ABCA13: variants seen among roughly 807,000 people sequenced by gnomAD.
ABCA13 encodes the protein ATP-binding cassette sub-family A member 13.
In ABCA13, 476 loss-of-function variants were observed where a neutral mutation model predicts 478.7. That is an observed-to-expected ratio of 0.99 (90% CI 0.92 to 1.07). The LOEUF is 1.07. Ranked by LOEUF, ABCA13 falls within the 50% of genes least tolerant of loss-of-function variation. The probability of loss-of-function intolerance (pLI) is 0.00; values close to 1 mark genes in which losing one functional copy is unlikely to be tolerated. For missense variants in ABCA13, 6,060 were observed against 5,910.6 expected (o/e 1.03, Z -0.83); for synonymous variants, 2,252 against 2,158.9 (o/e 1.04, Z -1.20).
chr7:48,314,416 C>G lies in ABCA13; in HGVS notation c.9859+7C>G, dbSNP rs1056955365. On this transcript the variant is annotated splice_region_variant and intron_variant, in intron 26 of 61. Coordinates refer to ENST00000435803, the MANE Select transcript of ABCA13 (RefSeq NM_152701.5). ...AACATTCCTGAAGATTCAAGTAAGA[C>G]AGTAGTAATATATATATATGTGTTT... The G allele has an allele frequency of 6.4e-7, 1 of 1,562,272 alleles. No homozygotes were observed. Among genetic ancestry groups the G allele is most frequent in the Admixed American group, 1.9e-5 (1 of 52,182 alleles).
chr7:48,327,125 A>G (rs1584861837), intron 27 of ABCA13, among the ~76,000 whole-genome samples: 1 of 152,208 alleles, frequency 6.6e-6, no homozygotes, highest in African/African-American at 2.4e-5. Context: ...TCACACTGCT[A>G]TGAAGAAATA....
intron 55 of ABCA13, among the ~76,000 whole-genome samples, chr7:48,558,280 C>A (rs1786076403): frequency 1.4e-5 from 2 of 146,308 alleles, no homozygotes; most frequent in Admixed American, 6.9e-5. Context: ...GAGTCTCAGT[C>A]TATCACCCAG....
intron 20 of ABCA13, 74 bp from the exon 21 acceptor site, chr7:48,295,626 A>G: frequency 6.4e-7 from 1 of 1,567,924 alleles, no homozygotes; most frequent in African/African-American, 1.4e-5. Context: ...GTTTCCTGAG[A>G]CTAATGAGAA....
chr7:48,419,856 G>T (rs1025572715), intron 41 of ABCA13, among the ~76,000 whole-genome samples: 14 of 152,260 alleles, frequency 9.2e-5, no homozygotes, highest in East Asian at 1.9e-4. Flanking sequence ...CATGGGCAAA[G>T]AATCTGGAAT....
At chr7:48,241,212 T>C in intron 10 of ABCA13, 146 bp downstream of exon 10, 2 of 1,048,538 alleles carry the variant, frequency 1.9e-6, no homozygotes, top group East Asian at 2.6e-5. Context: ...TCAGAGGCTT[T>C]CATTGTGGAC....
At chr7:48,310,385 C>T (rs1801593400) in intron 24 of ABCA13, among the ~76,000 whole-genome samples, 1 of 152,144 alleles carries the variant, frequency 6.6e-6, no homozygotes, top group Admixed American at 6.5e-5. Flanking sequence ...AGTGTCAGGG[C>T]ATTGGGACAG....
chr7:48,480,602 G>A (rs973348289), intron 45 of ABCA13, among the ~76,000 whole-genome samples: 2 of 152,300 alleles, frequency 1.3e-5, no homozygotes, highest in African/African-American at 4.8e-5. Context: ...GCATGCTGGT[G>A]AGTCGCTGGA....
chr7:48,574,666 A>G (rs925731997), intron 55 of ABCA13, among the ~76,000 whole-genome samples: 12 of 152,154 alleles, frequency 7.9e-5, no homozygotes, highest in African/African-American at 2.9e-4. Flanking sequence ...TATCTCTTCC[A>G]AAGACTAATA....
chr7:48,644,030 T>C (rs1795281179), intron 60 of ABCA13, among the ~76,000 whole-genome samples: 1 of 152,230 alleles, frequency 6.6e-6, no homozygotes, highest in African/African-American at 2.4e-5. Flanking sequence ...TAGGAGGCTG[T>C]AGTCCATAAA....
chr7:48,240,737 A>G lies in ABCA13; in HGVS notation c.1063-130A>G, dbSNP rs2129013169. On this transcript the variant is annotated intron_variant, in intron 9 of 61. Transcript: ENST00000435803. ...AATCATACTGCAATTGCTAACAGACATTTTAATTTACCAAAAAATAAAGAT... is the reference window on the plus strand; with the variant it reads ...AATCATACTGCAATTGCTAACAGACGTTTTAATTTACCAAAAAATAAAGAT... 7.0e-6 allele frequency: 5 copies of G among 710,806 alleles called. No individual in the cohort carries two copies. In the South Asian group the frequency reaches 3.1e-4, roughly 44 times the overall value. 44.0% of individuals were successfully genotyped at this position (710,806 alleles called of 1,614,324 possible).
At chr7:48,367,763 T>C in intron 31 of ABCA13, 31 bp from the exon 32 acceptor site, 3 of 1,509,966 alleles carry the variant, frequency 2.0e-6, no homozygotes, top group Non-Finnish European at 2.7e-6. Flanking sequence ...TTTGCTTGTC[T>C]CCGGATGCTG....
rs1162619787 is a variant in ABCA13 at position 48,563,765 on chromosome 7, G to T, written c.14355-16459G>T. Among the ~76,000 whole-genome samples, 9 of 149,950 alleles carry T rather than the reference G, an allele frequency of 6.0e-5. No individual in the cohort carries two copies. In the East Asian group the frequency reaches 1.8e-3, roughly 30 times the overall value. ...TCATGTTTAATTATATCCGTGTATG[G>T]TCTAGCTTTTGTTGTTTTTGTTTAC... On this transcript the variant is annotated intron_variant, in intron 55 of 61. Coordinates refer to ENST00000435803, the MANE Select transcript of ABCA13 (RefSeq NM_152701.5).
chr7:48,241,439 C>CA (rs1562859252), intron 10 of ABCA13, among the ~76,000 whole-genome samples: 2 of 152,126 alleles, frequency 1.3e-5, no homozygotes, highest in Admixed American at 6.5e-5. Context: ...TCTTCCTCTT[C>CA]AAAAAATATG....
At chr7:48,586,860 A>G (rs1789233019) in intron 56 of ABCA13, among the ~76,000 whole-genome samples, 1 of 151,958 alleles carries the variant, frequency 6.6e-6, no homozygotes, top group South Asian at 2.1e-4. Context: ...CAACATGCTT[A>G]TTTATCTGGA....
chr7:48,377,884 T>C (rs1473171759), intron 35 of ABCA13, among the ~76,000 whole-genome samples: 1 of 152,164 alleles, frequency 6.6e-6, no homozygotes, highest in East Asian at 1.9e-4. Flanking sequence ...GTGATGTCCA[T>C]CTAAAATACA....
Position 48,281,391 on chromosome 7 carries a change from A to T in ABCA13, c.8775A>T (p.Glu2925Asp). 1 of 1,609,904 alleles carries T rather than the reference A, an allele frequency of 6.2e-7. No individual in the cohort carries two copies. The highest frequency in any genetic ancestry group is 1.7e-5 in the Admixed American group (1 of 59,512). Residue 2925 changes from glutamate (E) to aspartate (D), a missense_variant, in exon 19 of 62, where the codon GAA (glutamate) becomes GAT (aspartate). Transcript: ENST00000435803. ...TCCAGCAGACTGTGAAGCCCTCAGA[A>T]GCCATGGAGATGCTGCAGAAAGTGA... Reference protein sequence around the residue: ...EVFQQTVKPSEAMEMLQKVKM... With the variant: ...EVFQQTVKPSDAMEMLQKVKM...
intron 31 of ABCA13, among the ~76,000 whole-genome samples, chr7:48,364,610 C>T (rs1433880294): frequency 6.6e-6 from 1 of 152,146 alleles, no homozygotes; most frequent in Non-Finnish European, 1.5e-5. Flanking sequence ...CTACTTTCTA[C>T]CTCAATGAGT....
intron 10 of ABCA13, among the ~76,000 whole-genome samples, chr7:48,243,961 C>G (rs773108367): frequency 1.3e-5 from 2 of 152,248 alleles, no homozygotes. Flanking sequence ...CCTTGCTTCT[C>G]CCTCTCCCGT....
intron 5 of ABCA13, among the ~76,000 whole-genome samples, chr7:48,225,770 A>G (rs1788120758): frequency 6.6e-6 from 1 of 152,190 alleles, no homozygotes; most frequent in Admixed American, 6.5e-5. Flanking sequence ...ACATGCTGAT[A>G]GGAATGAACC....
Sources: allele counts gnomAD v4.1 joint callset (sites outside exome capture counted in the v4.1 genomes callset), GRCh38; gene constraint gnomAD v4.1.1; transcripts MANE v1.5; gene names NCBI Gene and HGNC (gene_info 2026-07-23, HGNC 2026-07-21).